Variants in PEPD observed in about 807,000 individuals in gnomAD.
PEPD encodes the protein xaa-Pro dipeptidase.
In PEPD, 53 loss-of-function variants were observed where a neutral mutation model predicts 60.7. The ratio of observed to expected loss-of-function variants is 0.87; its 90% confidence interval spans 0.70 to 1.10. PEPD has a LOEUF of 1.10. PEPD is among the 50% of genes least tolerant of loss of function. The probability of loss-of-function intolerance (pLI) is 0.00; values close to 1 mark genes in which losing one functional copy is unlikely to be tolerated. For missense variants in PEPD, 711 were observed against 711.9 expected (o/e 1.00, Z 0.01); for synonymous variants, 267 against 284.1 (o/e 0.94, Z 0.60).
chr19:33,521,525 G>C (rs917899455), intron 1 of PEPD, among the ~76,000 whole-genome samples: 1 of 152,232 alleles, frequency 6.6e-6, no homozygotes, highest in Non-Finnish European at 1.5e-5. Flanking sequence ...GGTGGGGCCG[G>C]AGCCAGCCAG....
At chr19:33,490,186 G>A in intron 5 of PEPD, 129 bp from the exon 6 acceptor site, 3 of 702,222 alleles carry the variant, frequency 4.3e-6, no homozygotes, top group East Asian at 2.7e-5. Context: ...CCCAACAGAT[G>A]AGCCACCCAG....
At chr19:33,407,303 T>A (rs1968650668) in intron 11 of PEPD, among the ~76,000 whole-genome samples, 1 of 152,224 alleles carries the variant, frequency 6.6e-6, no homozygotes, top group African/African-American at 2.4e-5. Flanking sequence ...ATGGTCCCTC[T>A]CTGGGCGCAC....
intron 6 of PEPD, among the ~76,000 whole-genome samples, chr19:33,482,855 T>G (rs545366255): frequency 1.3e-5 from 2 of 152,144 alleles, no homozygotes; most frequent in Non-Finnish European, 2.9e-5. Context: ...AGTGACAGAA[T>G]AAGCAAGCAG....
intron 3 of PEPD, among the ~76,000 whole-genome samples, chr19:33,510,779 T>C (rs539842782): frequency 6.6e-6 from 1 of 152,262 alleles, no homozygotes; most frequent in South Asian, 2.1e-4. Flanking sequence ...TTCCTCTCTA[T>C]CTACCTAAAA....
chr19:33,447,978 G>C lies in PEPD; in HGVS notation c.671+15017C>G, dbSNP rs150121435. 1.4e-3 allele frequency among the ~76,000 whole-genome samples: 212 copies of C among 152,300 alleles called. 1 individual carries two copies. Among genetic ancestry groups the C allele is most frequent in the African/African-American group, 4.3e-3 (180 of 41,564 alleles). ...CGGAGTATCTAACAGGGATGGGGAG[G>C]AGCCTCAACTTTGGTTTTATCATAA... On this transcript the variant is annotated intron_variant, in intron 9 of 14. Transcript: ENST00000244137.
chr19:33,496,570 G>A (rs1277089563), intron 4 of PEPD, among the ~76,000 whole-genome samples: 1 of 152,188 alleles, frequency 6.6e-6, no homozygotes, highest in Non-Finnish European at 1.5e-5. Flanking sequence ...AAGGGAACAC[G>A]ACGCGCTGTG....
In PEPD at chr19:33,465,125, G is replaced by A. The variant is rs569381385; in HGVS notation, c.549-1063C>T. Among the ~76,000 whole-genome samples, 6 of 152,284 alleles carry A rather than the reference G, an allele frequency of 3.9e-5. No individual in the cohort carries two copies. In the East Asian group the frequency reaches 1.2e-3, roughly 29 times the overall value. On this transcript the variant is annotated intron_variant, in intron 7 of 14. Coordinates refer to ENST00000244137, the MANE Select transcript of PEPD (RefSeq NM_000285.4). ...GAGTTGGCATTTTTAAAGCACTAAG[G>A]ACAGTGCCTGGCACACAGTAAGTGC...
At chr19:33,408,513 T>C (rs1445979837) in intron 11 of PEPD, among the ~76,000 whole-genome samples, 1 of 152,198 alleles carries the variant, frequency 6.6e-6, no homozygotes, top group African/African-American at 2.4e-5. Flanking sequence ...TCTGGGACTG[T>C]GGAGAGAGGG....
At chr19:33,519,775 TC>T (rs1231460936) in intron 1 of PEPD, among the ~76,000 whole-genome samples, 1 of 152,128 alleles carries the variant, frequency 6.6e-6, no homozygotes, top group Non-Finnish European at 1.5e-5. Context: ...AGAAAAGCTC[TC>T]ATTCTGGGGC....
chr19:33,464,939 G>A (rs1969993427), intron 7 of PEPD, among the ~76,000 whole-genome samples: 1 of 152,142 alleles, frequency 6.6e-6, no homozygotes, highest in African/African-American at 2.4e-5. Context: ...CAGCCATGCT[G>A]AGGCATTCAG....
At chr19:33,442,771 C>CCCTT (rs1969508525) in intron 9 of PEPD, among the ~76,000 whole-genome samples, 1 of 151,492 alleles carries the variant, frequency 6.6e-6, no homozygotes, top group Non-Finnish European at 1.5e-5. Context: ...AATAATGGTC[C>CCCTT]CCTTACTCAG....
At chr19:33,467,774 T>A (rs1970047721) in intron 7 of PEPD, among the ~76,000 whole-genome samples, 1 of 152,192 alleles carries the variant, frequency 6.6e-6, no homozygotes, top group Non-Finnish European at 1.5e-5. Flanking sequence ...ACTGATTTTG[T>A]ACTAGTGGCT....
At chr19:33,466,200 A>T (rs1970014556) in intron 7 of PEPD, among the ~76,000 whole-genome samples, 1 of 152,244 alleles carries the variant, frequency 6.6e-6, no homozygotes, top group Non-Finnish European at 1.5e-5. Flanking sequence ...GGTGAAGAAG[A>T]TATGTTTCTT....
At chr19:33,445,553 G>A (rs1969575872) in intron 9 of PEPD, among the ~76,000 whole-genome samples, 3 of 152,234 alleles carry the variant, frequency 2.0e-5, no homozygotes. Flanking sequence ...GACATGGCAA[G>A]AAGGCGGCAA....
At position 33,481,090 on chromosome 19, in the gene PEPD, C is replaced by T. The variant is rs149914439; in HGVS notation, c.504-3000G>A. Among the ~76,000 whole-genome samples the T allele has an allele frequency of 2.0e-5, 3 of 152,034 alleles. No homozygotes were observed. The South Asian group carries it at 6.2e-4, about 32-fold the overall frequency. ...ATATGTAGAAATTAAACAGTAGACT[C>T]CTAAATAACCAATGGATCACGTATC... On this transcript the variant is annotated intron_variant, in intron 6 of 14. Coordinates refer to ENST00000244137, the MANE Select transcript of PEPD (RefSeq NM_000285.4).
intron 11 of PEPD, among the ~76,000 whole-genome samples, chr19:33,403,831 C>T (rs1968556068): frequency 6.6e-6 from 1 of 152,246 alleles, no homozygotes; most frequent in African/African-American, 2.4e-5. Flanking sequence ...AGGTGACTCT[C>T]AGGCTGGGGG....
chr19:33,500,844 C>T (rs1205962550), intron 4 of PEPD, 94 bp downstream of exon 4: 3 of 806,996 alleles, frequency 3.7e-6, no homozygotes, highest in Non-Finnish European at 6.7e-6. Flanking sequence ...TCCCTGACAT[C>T]CAGCAAGGTT....
intron 9 of PEPD, among the ~76,000 whole-genome samples, chr19:33,416,306 T>C (rs1032979207): frequency 6.6e-6 from 1 of 152,078 alleles, no homozygotes; most frequent in Non-Finnish European, 1.5e-5. Context: ...CTCCTCCAAG[T>C]GCGAGGCAGG....
At chr19:33,402,097 A>C (rs2145347578) in intron 11 of PEPD, among the ~76,000 whole-genome samples, 1 of 152,246 alleles carries the variant, frequency 6.6e-6, no homozygotes, top group East Asian at 1.9e-4. Flanking sequence ...TCCAGGGAAA[A>C]AGGGACTCAG....
Sources: allele counts gnomAD v4.1 joint callset (sites outside exome capture counted in the v4.1 genomes callset), GRCh38; gene constraint gnomAD v4.1.1; transcripts MANE v1.5; gene names NCBI Gene and HGNC (gene_info 2026-07-23, HGNC 2026-07-21).